The following TNRC6B variants were observed in gnomAD, a reference collection of about 807,000 sequenced individuals.
TNRC6B encodes trinucleotide repeat containing adaptor 6B.
In TNRC6B, 52 loss-of-function variants were observed where a neutral mutation model predicts 203.6. The ratio of observed to expected loss-of-function variants is 0.26; its 90% CI spans 0.20 to 0.32. The LOEUF (loss-of-function observed/expected upper bound fraction) is 0.32, where lower values mean the gene tolerates loss of function less well. TNRC6B is among the 10% of genes least tolerant of loss of function. The pLI, the probability that TNRC6B is intolerant of heterozygous loss-of-function variation, is 1.00. For synonymous variants in TNRC6B, 838 were observed against 845.7 expected, an observed-to-expected ratio of 0.99 and a Z score of 0.16; for missense variants, 1,923 against 2,286.2, an observed-to-expected ratio of 0.84 and a Z score of 3.24.
intron 3 of TNRC6B, 31 bp from the exon 4 acceptor site, chr22:40,261,801 C>G: frequency 6.8e-7 from 1 of 1,463,238 alleles, no homozygotes; most frequent in Non-Finnish European, 9.2e-7. Flanking sequence ...TGATGTATTT[C>G]AAAGACTGTT....
chr22:40,317,570 C>G lies in TNRC6B; in HGVS notation c.4974+1558C>G, dbSNP rs138006050. On this transcript the variant is annotated intron_variant, in intron 21 of 22. Coordinates refer to ENST00000454349, the MANE Select transcript of TNRC6B (RefSeq NM_001162501.2). Reference sequence around the variant, plus strand: ...TCCAGCCTGGCGACAGAGCGAGACTCCATCTGAAAAAATAAAAAAAAGCTA... The same window carrying G: ...TCCAGCCTGGCGACAGAGCGAGACTGCATCTGAAAAAATAAAAAAAAGCTA... 4.6e-5 allele frequency among the ~76,000 whole-genome samples: 7 copies of G among 152,214 alleles called. No individual in the cohort carries two copies. The East Asian group carries it at 1.2e-3, about 25-fold the overall frequency.
Position 40,091,467 on chromosome 22 carries a change from G to GA in TNRC6B, c.-120-25577dup, listed in dbSNP as rs57865746. On this transcript the variant is annotated intron_variant, in intron 1 of 23. Transcript: ENST00000301923. ...GGGTCTTCAACAAATAAATTGCAAA[G>GA]AAAAAAAAAAAGCACAGCAAAGCAA... 4.0e-3 allele frequency among the ~76,000 whole-genome samples: 568 copies of GA among 142,086 alleles called. 4 individuals carry two copies. The highest frequency in any genetic ancestry group is 0.012 in the East Asian group (61 of 4,914). 93.2% of individuals were successfully genotyped at this position (142,086 alleles called of 152,430 possible).
intron 1 of TNRC6B, among the ~76,000 whole-genome samples, chr22:40,184,887 G>C (rs1312034144): frequency 6.6e-6 from 1 of 152,192 alleles, no homozygotes; most frequent in Non-Finnish European, 1.5e-5. Flanking sequence ...TATGAGTTCA[G>C]TTTTGGAATC....
chr22:40,241,022 A>G (rs1055944997), intron 1 of TNRC6B, among the ~76,000 whole-genome samples: 10 of 152,210 alleles, frequency 6.6e-5, no homozygotes, highest in African/African-American at 2.4e-4. Flanking sequence ...CCCTAGCTAC[A>G]TGTTAGAACC....
chr22:40,241,560 G>A (rs1224028084), intron 1 of TNRC6B, among the ~76,000 whole-genome samples: 1 of 152,128 alleles, frequency 6.6e-6, no homozygotes, highest in Non-Finnish European at 1.5e-5. Context: ...ATGGTATTCA[G>A]GTTAAACACA....
chr22:40,050,655 C>G (rs1343325190), intron 1 of TNRC6B, among the ~76,000 whole-genome samples: 1 of 152,096 alleles, frequency 6.6e-6, no homozygotes, highest in Non-Finnish European at 1.5e-5. Flanking sequence ...GCTGTCACCA[C>G]AATTCATGAT....
chr22:40,147,571 T>C (rs1448700667), intron 3 of TNRC6B, among the ~76,000 whole-genome samples: 2 of 152,148 alleles, frequency 1.3e-5, no homozygotes, highest in East Asian at 3.8e-4. Context: ...CGTCCCCACG[T>C]GGCAAAAGGT....
At chr22:40,216,770 A>C (rs2069641080) in intron 1 of TNRC6B, among the ~76,000 whole-genome samples, 1 of 152,208 alleles carries the variant, frequency 6.6e-6, no homozygotes, top group Non-Finnish European at 1.5e-5. Context: ...AACTGGAAAT[A>C]ATGTATGTTA....
chr22:40,153,764 G>A (rs924069359), intron 3 of TNRC6B, among the ~76,000 whole-genome samples: 2 of 151,668 alleles, frequency 1.3e-5, no homozygotes, highest in African/African-American at 4.8e-5. Flanking sequence ...ATGTTGTGAG[G>A]GTGGGGCAGG....
intron 1 of TNRC6B, among the ~76,000 whole-genome samples, chr22:40,105,155 A>G (rs1478600246): frequency 1.3e-5 from 2 of 152,222 alleles, no homozygotes; most frequent in African/African-American, 4.8e-5. Flanking sequence ...TAGAAAGACA[A>G]GGCTGAGGAT....
intron 1 of TNRC6B, among the ~76,000 whole-genome samples, chr22:40,225,331 AATACAG>A (rs2069768379): frequency 1.3e-5 from 2 of 152,198 alleles, no homozygotes; most frequent in African/African-American, 2.4e-5. Context: ...TGCACTCACT[AATACAG>A]TCCCTAGATC....
At chr22:40,256,595 G>A (rs531719396) in intron 3 of TNRC6B, among the ~76,000 whole-genome samples, 1 of 152,162 alleles carries the variant, frequency 6.6e-6, no homozygotes. Flanking sequence ...AGTTTTATGG[G>A]AGCACAGCCA....
chr22:40,311,521 A>C (rs1188140320), intron 17 of TNRC6B, among the ~76,000 whole-genome samples: 1 of 151,878 alleles, frequency 6.6e-6, no homozygotes, highest in East Asian at 1.9e-4. Context: ...GAATATGTAT[A>C]GTTTCGTTTT....
chr22:40,192,971 G>A (rs911480055), intron 1 of TNRC6B, among the ~76,000 whole-genome samples: 1 of 152,226 alleles, frequency 6.6e-6, no homozygotes, highest in Non-Finnish European at 1.5e-5. Context: ...TGCTCCCTTA[G>A]GAGTTGCTCA....
intron 1 of TNRC6B, among the ~76,000 whole-genome samples, chr22:40,201,653 G>A (rs2069413664): frequency 6.6e-6 from 1 of 151,628 alleles, no homozygotes; most frequent in Non-Finnish European, 1.5e-5. Flanking sequence ...CAGGCTGGTG[G>A]GACTCAAGCG....
chr22:40,278,763 G>A (rs1037251204), intron 9 of TNRC6B, among the ~76,000 whole-genome samples: 2 of 152,066 alleles, frequency 1.3e-5, no homozygotes, highest in South Asian at 2.1e-4. Flanking sequence ...TTTTTGAGAC[G>A]GAGTCTTGCT....
intron 1 of TNRC6B, among the ~76,000 whole-genome samples, chr22:40,192,375 T>C (rs935844186): frequency 1.3e-5 from 2 of 152,084 alleles, no homozygotes; most frequent in Non-Finnish European, 2.9e-5. Context: ...CCCAGCACTT[T>C]GGGAGGCTAA....
chr22:40,107,093 A>G, intron 1 of TNRC6B: 2 of 685,924 alleles, frequency 2.9e-6, no homozygotes. Flanking sequence ...GAGGGAGGGT[A>G]TCTTTTGATG....
chr22:40,194,985 C>T (rs569542219), intron 1 of TNRC6B, among the ~76,000 whole-genome samples: 234 of 152,250 alleles, frequency 1.5e-3, no homozygotes, highest in Non-Finnish European at 2.5e-3. Context: ...TTAAATTTTG[C>T]TGGGAGCCCT....
Sources: gnomAD v4.1 joint callset for allele counts (sites outside exome capture counted in the v4.1 genomes callset) on GRCh38, gnomAD v4.1.1 for gene constraint, MANE v1.5 for transcripts, NCBI Gene and HGNC (gene_info 2026-07-23, HGNC 2026-07-21) for gene names.